The following MME variants were observed in gnomAD, a reference collection of about 807,000 sequenced individuals.
MME encodes neprilysin.
MME carries 98 observed loss-of-function variants against 113.2 expected under a neutral mutation model. The ratio of observed to expected loss-of-function variants is 0.87; its 90% CI spans 0.74 to 1.02. The LOEUF (loss-of-function observed/expected upper bound fraction) is 1.02, where lower values mean the gene tolerates loss of function less well. Among genes scored for constraint, MME ranks in the 50% least tolerant of loss-of-function variants. MME has a pLI of 0.00. For synonymous variants in MME, 292 were observed against 300.6 expected (o/e 0.97, Z 0.30); for missense variants, 836 against 896.0 (o/e 0.93, Z 0.86).
At chr3:155,103,452 T>C (rs1306787453) in intron 3 of MME, among the ~76,000 whole-genome samples, 1 of 152,208 alleles carries the variant, frequency 6.6e-6, no homozygotes, top group Non-Finnish European at 1.5e-5. Context: ...ATCTGATCCA[T>C]CTTCTTTGCT....
intron 14 of MME, among the ~76,000 whole-genome samples, chr3:155,145,715 G>A (rs1184997117): frequency 6.6e-6 from 1 of 152,080 alleles, no homozygotes; most frequent in Non-Finnish European, 1.5e-5. Flanking sequence ...CTTGCTTAAT[G>A]TTTTTGCGAC....
At chr3:155,174,453 G>A (rs1712321427) in intron 22 of MME, among the ~76,000 whole-genome samples, 1 of 151,360 alleles carries the variant, frequency 6.6e-6, no homozygotes. Flanking sequence ...TGGAGGTAAG[G>A]AGATTTTCTT....
chr3:155,046,195 G>C (rs1444357307), intron 1 of MME, among the ~76,000 whole-genome samples: 1 of 152,026 alleles, frequency 6.6e-6, no homozygotes, highest in Non-Finnish European at 1.5e-5. Context: ...TATTCTTCAG[G>C]TTGGGTAATT....
rs1477573769 is a variant in MME, at chr3:155,047,768, A to G, written c.-11+23444A>G. Among the ~76,000 whole-genome samples the G allele has an allele frequency of 3.3e-5, 5 of 152,174 alleles. No individual in the cohort carries two copies. The East Asian group carries it at 5.8e-4, about 18-fold the overall frequency. On this transcript the variant is annotated intron_variant, in intron 1 of 22. Transcript: ENST00000492661. ...AATTTTTTTTTATTGTATCCTTAAC[A>G]TTGTAAAAGATGGATTGGGTAGACT...
chr3:155,135,846 A>G (rs116754851), intron 8 of MME, among the ~76,000 whole-genome samples: 1 of 152,114 alleles, frequency 6.6e-6, no homozygotes, highest in Admixed American at 6.6e-5. Context: ...GAAATATTTC[A>G]TCTCCTTAGT....
rs550722218 is a variant in MME, at chr3:155,070,403, C to G, written c.-10-13755C>G. The stretch of plus-strand genomic sequence containing the variant: ...ACCAGAAGCCACTATGTACATACAT[C>G]TGCATAAACAGATCAGGATGAGTTT... On this transcript the variant is annotated intron_variant, in intron 1 of 22. Transcript: ENST00000492661. Among the ~76,000 whole-genome samples the G allele has an allele frequency of 2.0e-5, 3 of 152,278 alleles. No individual in the cohort carries two copies. The South Asian group carries it at 6.2e-4, about 32-fold the overall frequency.
chr3:155,118,665 CATAG>C, intron 7 of MME, 77 bp from the exon 8 acceptor site: 1 of 901,868 alleles, frequency 1.1e-6, no homozygotes, highest in Non-Finnish European at 1.8e-6. Context: ...CTTTCACATA[CATAG>C]ATAGACATGC....
At chr3:155,152,930 TGAG>T (rs1365553092) in intron 16 of MME, among the ~76,000 whole-genome samples, 1 of 151,976 alleles carries the variant, frequency 6.6e-6, no homozygotes, top group Non-Finnish European at 1.5e-5. Flanking sequence ...TTCAAGAAAT[TGAG>T]GAAGTCAGGA....
chr3:155,043,844 C>T (rs1262554738), intron 1 of MME, among the ~76,000 whole-genome samples: 1 of 151,994 alleles, frequency 6.6e-6, no homozygotes, highest in Non-Finnish European at 1.5e-5. Flanking sequence ...ATTGTCCTTG[C>T]TATACTTACA....
At chr3:155,170,020 T>G (rs1243007443) in intron 20 of MME, among the ~76,000 whole-genome samples, 1 of 152,170 alleles carries the variant, frequency 6.6e-6, no homozygotes, top group African/African-American at 2.4e-5. Flanking sequence ...TTTAGTAATT[T>G]TTTTGTTCGA....
At chr3:155,066,913 A>G (rs1259298662) in intron 1 of MME, among the ~76,000 whole-genome samples, 2 of 152,188 alleles carry the variant, frequency 1.3e-5, no homozygotes, top group South Asian at 2.1e-4. Flanking sequence ...ATAGAATACC[A>G]TTCTTACAGT....
chr3:155,083,137 C>G (rs1715311372), intron 1 of MME, among the ~76,000 whole-genome samples: 1 of 151,708 alleles, frequency 6.6e-6, no homozygotes. Context: ...CCTTAATTTT[C>G]CCCCTAAATT....
chr3:155,106,586 T>C (rs962381418), intron 3 of MME, among the ~76,000 whole-genome samples: 3 of 152,222 alleles, frequency 2.0e-5, no homozygotes, highest in African/African-American at 7.2e-5. Flanking sequence ...GAATCCTTTG[T>C]GACCCGTTGT....
At chr3:155,073,030 T>C (rs1714632040) in intron 1 of MME, among the ~76,000 whole-genome samples, 1 of 152,234 alleles carries the variant, frequency 6.6e-6, no homozygotes, top group Non-Finnish European at 1.5e-5. Context: ...TTATGTTTCC[T>C]ACAAATTACT....
chr3:155,029,615 A>G (rs1712900134), intron 1 of MME, among the ~76,000 whole-genome samples: 1 of 151,932 alleles, frequency 6.6e-6, no homozygotes, highest in Non-Finnish European at 1.5e-5. Flanking sequence ...GGACCTTAAA[A>G]TATCTATTAG....
intron 1 of MME, among the ~76,000 whole-genome samples, chr3:155,057,104 A>C (rs1713958289): frequency 6.6e-6 from 1 of 152,224 alleles, no homozygotes; most frequent in Non-Finnish European, 1.5e-5. Flanking sequence ...ATGGACTCTA[A>C]TTAAACTAAA....
At chr3:155,057,229 T>A (rs904986275) in intron 1 of MME, among the ~76,000 whole-genome samples, 1 of 151,766 alleles carries the variant, frequency 6.6e-6, no homozygotes, top group East Asian at 1.9e-4. Flanking sequence ...GAATCTACAA[T>A]GAACTCAAAC....
At chr3:155,171,106 T>A (rs987478155) in intron 20 of MME, among the ~76,000 whole-genome samples, 5 of 152,180 alleles carry the variant, frequency 3.3e-5, no homozygotes, top group African/African-American at 1.2e-4. Flanking sequence ...CCAGCCAAAG[T>A]TGGGATTGAT....
In MME at chr3:155,158,600, T is replaced by C. The variant is rs573546820; in HGVS notation, c.1602-1790T>C. On this transcript the variant is annotated intron_variant, in intron 16 of 22. Transcript: ENST00000360490. ...ATAGTCATAATATATTTCCTAATCATGATTTTTGTTTATTTTCTTTTATAA... is the reference window on the plus strand; with the variant it reads ...ATAGTCATAATATATTTCCTAATCACGATTTTTGTTTATTTTCTTTTATAA... The C allele has an allele frequency of 1.3e-4, 20 of 151,958 alleles. No individual in the cohort carries two copies. The East Asian group carries it at 3.7e-3, about 28-fold the overall frequency. The allele number at this position is 151,958 out of a possible 1,614,324, so 9.4% of individuals were successfully genotyped here.
Sources: gnomAD v4.1 joint callset for allele counts (sites outside exome capture counted in the v4.1 genomes callset) on GRCh38, gnomAD v4.1.1 for gene constraint, MANE v1.5 for transcripts, NCBI Gene and HGNC (gene_info 2026-07-23, HGNC 2026-07-21) for gene names.